NLRX1: variants seen among roughly 807,000 people sequenced by gnomAD.
The protein encoded by NLRX1 is NOD-like receptor X1.
A neutral mutation model predicts 74.2 loss-of-function variants in NLRX1; 67 were observed. The observed-to-expected ratio is 0.90, with a 90% CI of 0.74 to 1.11. The LOEUF (loss-of-function observed/expected upper bound fraction) is 1.11. Ranked by LOEUF, NLRX1 falls within the 50% of genes least tolerant of loss-of-function variation. The pLI is 0.00. For synonymous variants in NLRX1, 506 were observed against 559.1 expected, an observed-to-expected ratio of 0.91 and a Z score of 1.34; for missense variants, 1,191 against 1,305.4, an observed-to-expected ratio of 0.91 and a Z score of 1.35.
Position 119,173,400 on chromosome 11 carries a change from C to G in NLRX1, c.230-79C>G, listed in dbSNP as rs768184623. On this transcript the variant is annotated intron_variant, in intron 4 of 9. Coordinates refer to ENST00000409109, the MANE Select transcript of NLRX1 (RefSeq NM_001282144.2). The surrounding 1 kb of genome is among the most constrained non-coding windows in gnomAD (Gnocchi z 4.0). Reference sequence around the variant, plus strand: ...CTATGCCGTGATGTCCCAGCCTGACCTCACCACCGCCCTGATTGGCCCTAA... The same window carrying G: ...CTATGCCGTGATGTCCCAGCCTGACGTCACCACCGCCCTGATTGGCCCTAA... 3 of 1,485,434 alleles carry G rather than the reference C, an allele frequency of 2.0e-6. No homozygotes were observed. The highest frequency in any genetic ancestry group is 1.8e-5 in the Admixed American group (1 of 54,912). 92.0% of individuals were successfully genotyped at this position (1,485,434 alleles called of 1,614,324 possible).
rs746061860 is a variant in NLRX1, at chr11:119,174,909, G to A, written c.1306G>A (p.Gly436Arg). 1.2e-6 allele frequency: 2 copies of A among 1,614,050 alleles called. No individual in the cohort carries two copies. The highest frequency in any genetic ancestry group is 2.2e-5 in the East Asian group (1 of 44,886). Reference sequence around the variant, plus strand: ...AACCATGGGCAAGTTGGCCTATGAGGGGGTGTCCTCCCGCAAGACCTACTT... The same window carrying A: ...AACCATGGGCAAGTTGGCCTATGAGAGGGTGTCCTCCCGCAAGACCTACTT... ...ARTMGKLAYE[G>R]VSSRKTYFSE... The change falls in exon 6 of 10, where the codon GGG becomes AGG. Residue 436 changes from glycine (G) to arginine (R), a missense_variant. By Grantham distance (125) the Gly-to-Arg change is moderately radical. Transcript: ENST00000409109.
intron 5 of NLRX1, 50 bp downstream of exon 5, chr11:119,174,148 C>G: frequency 6.3e-7 from 1 of 1,587,172 alleles, no homozygotes; most frequent in Non-Finnish European, 8.6e-7. Context: ...TGACTCGCCC[C>G]CTAGGTCCTG....
chr11:119,172,313 T>A, intron 2 of NLRX1, 43 bp from the exon 3 acceptor site: 1 of 1,465,328 alleles, frequency 6.8e-7, no homozygotes, highest in African/African-American at 1.4e-5. Flanking sequence ...GTTCTGTGTA[T>A]TGCATGGGAT....
Position 119,179,900 on chromosome 11 carries a change from A to G in NLRX1, c.1879A>G (p.Met627Val). The change falls in exon 7 of 10, where the codon ATG becomes GTG. Residue 627 changes from methionine (M) to valine (V), a missense_variant. Transcript: ENST00000409109. The part of the protein sequence containing the change: ...DEVFELFPMF[M>V]GGLLSAHNRA... ...AGTCTTCGAGCTCTTCCCCATGTTC[A>G]TGGGGGGGCTTCTCTCTGCCCACAA... The G allele has an allele frequency of 1.2e-6, 2 of 1,611,766 alleles. No individual in the cohort carries two copies. The highest frequency in any genetic ancestry group is 1.7e-6 in the Non-Finnish European group (2 of 1,178,474).
chr11:119,182,096 T>C lies in NLRX1; in HGVS notation c.2357T>C (p.Leu786Pro). 6.2e-7 allele frequency: 1 copy of C among 1,614,080 alleles called. No homozygotes were observed. Among genetic ancestry groups the C allele is most frequent in the Non-Finnish European group, 8.5e-7 (1 of 1,179,962 alleles). The change falls in exon 9 of 10, where the codon CTG (leucine) becomes CCG (proline). Residue 786 changes from leucine to proline, a missense_variant and splice_region_variant. By Grantham distance (98) the Leu-to-Pro change is moderately conservative. Transcript: ENST00000409109. ...CCTTGGGTTGCACGTGGCTGTAGGCTGTCCAACAACCCGCTGACGGCGGCA... is the reference window on the plus strand; with the variant it reads ...CCTTGGGTTGCACGTGGCTGTAGGCCGTCCAACAACCCGCTGACGGCGGCA... ...HDQCQITTLR[L>P]SNNPLTAAGV...
intron 6 of NLRX1, among the ~76,000 whole-genome samples, chr11:119,177,580 A>T (rs1167019880): frequency 6.6e-6 from 1 of 150,704 alleles, no homozygotes; most frequent in Non-Finnish European, 1.5e-5. Flanking sequence ...GTGAGCTGAG[A>T]TCGCGCCACT....
At position 119,172,380 on chromosome 11, in the gene NLRX1, A is replaced by G; in HGVS notation, c.95A>G (p.His32Arg). 1.9e-6 allele frequency: 3 copies of G among 1,613,762 alleles called. No homozygotes were observed. Among genetic ancestry groups the G allele is most frequent in the Non-Finnish European group, 2.5e-6 (3 of 1,179,710 alleles). ...GATGATCGTATCCCCTTCCTGATCCACTGGAGTTGGCCCCTTCAAGGGGAG... is the reference window on the plus strand; with the variant it reads ...GATGATCGTATCCCCTTCCTGATCCGCTGGAGTTGGCCCCTTCAAGGGGAG... ...RPDDRIPFLI[H>R]WSWPLQGERP... Residue 32 changes from histidine to arginine, a missense_variant, in exon 3 of 10, where the codon CAC (histidine) becomes CGC (arginine). Physicochemically the swap from His to Arg is conservative, Grantham distance 29 (BLOSUM62 0). Coordinates refer to ENST00000409109, the MANE Select transcript of NLRX1 (RefSeq NM_001282144.2).
chr11:119,176,980 G>A (rs1948716936), intron 6 of NLRX1, among the ~76,000 whole-genome samples: 1 of 152,234 alleles, frequency 6.6e-6, no homozygotes, highest in Admixed American at 6.5e-5. Flanking sequence ...CCTTATCTGT[G>A]AAATGGAGAT....
intron 7 of NLRX1, 135 bp downstream of exon 7, chr11:119,180,423 G>A: frequency 1.4e-6 from 1 of 739,080 alleles, no homozygotes; most frequent in South Asian, 2.1e-5. Context: ...CTAGTTTAGG[G>A]GCCGGGAGCA....
intron 6 of NLRX1, among the ~76,000 whole-genome samples, chr11:119,178,449 A>G (rs1175942969): frequency 2.6e-5 from 4 of 152,222 alleles, no homozygotes; most frequent in Non-Finnish European, 4.4e-5. Context: ...CTCCTCTCCC[A>G]GAAGGAAACT....
At chr11:119,172,457 T>A in intron 3 of NLRX1, 32 bp downstream of exon 3, 2 of 1,509,168 alleles carry the variant, frequency 1.3e-6, no homozygotes. Context: ...TTAGGACTAG[T>A]CTGGGCACAA....
intron 5 of NLRX1, 125 bp from the exon 6 acceptor site, chr11:119,174,328 G>C: frequency 9.0e-7 from 1 of 1,110,934 alleles, no homozygotes; most frequent in South Asian, 1.5e-5. Context: ...GTAATTGCTA[G>C]TTATAACTGT....
At position 119,173,853 on chromosome 11, in the gene NLRX1, C is replaced by A. The variant is rs766478115; in HGVS notation, c.604C>A (p.Leu202Met). 1.9e-6 allele frequency: 3 copies of A among 1,613,474 alleles called. No individual in the cohort carries two copies. Among genetic ancestry groups the A allele is most frequent in the Non-Finnish European group, 2.5e-6 (3 of 1,180,036 alleles). Residue 202 changes from leucine to methionine, a missense_variant, in exon 5 of 10, where the codon CTG becomes ATG. Leu to Met is a conservative substitution (Grantham distance 15). Transcript: ENST00000409109. This position sits in a 1 kb window ranked among gnomAD's most constrained non-coding sequence, Gnocchi z 4.0. ...GCTCATCCCCTTCTCCTGTGAGGAC[C>A]TGTCATCCCTGGGCCCTGCCCCAGC... is the stretch of plus-strand genomic sequence containing the variant. ...ELLIPFSCED[L>M]SSLGPAPASL...
intron 7 of NLRX1, 99 bp from the exon 8 acceptor site, chr11:119,181,072 G>T: frequency 1.2e-6 from 1 of 838,106 alleles, no homozygotes. Context: ...TAGATTCCCA[G>T]AGGCAGGCTG....
chr11:119,174,373 G>A (rs967943708), intron 5 of NLRX1, 80 bp from the exon 6 acceptor site: 45 of 1,410,740 alleles, frequency 3.2e-5, no homozygotes, highest in Middle Eastern at 1.8e-4. Flanking sequence ...TGGACACTCC[G>A]TCTTCAGGGG....
At position 119,174,063 on chromosome 11, in the gene NLRX1, A is replaced by G. The variant is rs1443918719; in HGVS notation, c.814A>G (p.Ile272Val). ...PEEPQEPAAI[I>V]VNLLRKYMLP... The stretch of plus-strand genomic sequence containing the variant: ...GGAACCGCAGGAACCAGCTGCTATC[A>G]TCGTCAACCTGCTGCGCAAATACAT... Residue 272 changes from isoleucine to valine, a missense_variant, in exon 5 of 10, where the codon ATC (isoleucine) becomes GTC (valine). Transcript: ENST00000409109. 1.2e-6 allele frequency: 2 copies of G among 1,614,088 alleles called. No individual in the cohort carries two copies. Among genetic ancestry groups the G allele is most frequent in the East Asian group, 4.5e-5 (2 of 44,870 alleles).
In NLRX1 at chr11:119,180,104, C is replaced by T; in HGVS notation, c.2083C>T (p.Leu695Phe). Residue 695 changes from leucine to phenylalanine, a missense_variant, in exon 7 of 10, where the codon CTC becomes TTC. Transcript: ENST00000409109. ...FQNQRFSAEV[L>F]SSLRQLNLAG... Reference sequence around the variant, plus strand: ...GAACCAGCGCTTCTCCGCTGAGGTGCTCAGCTCCCTGCGTCAGCTCAACCT... The same window carrying T: ...GAACCAGCGCTTCTCCGCTGAGGTGTTCAGCTCCCTGCGTCAGCTCAACCT... 6.2e-7 allele frequency: 1 copy of T among 1,613,620 alleles called. No individual in the cohort carries two copies. Among genetic ancestry groups the T allele is most frequent in the Non-Finnish European group, 8.5e-7 (1 of 1,179,822 alleles).
rs1948794939 is a variant in NLRX1, at chr11:119,180,022, G to T, written c.2001G>T (p.Arg667=). 6.2e-7 allele frequency: 1 copy of T among 1,613,662 alleles called. No homozygotes were observed. Among genetic ancestry groups the T allele is most frequent in the East Asian group, 2.2e-5 (1 of 44,880 alleles). ...AIKKKLGKLG[R]QVLPPSELLD... is the part of the protein sequence containing the mutation. ...AGAAGAAGCTGGGCAAGCTGGGCCG[G>T]CAGGTGCTGCCCCCATCAGAGCTCC... The change falls in exon 7 of 10, where the codon CGG becomes CGT. Residue 667 remains arginine, a synonymous_variant. Transcript: ENST00000409109.
chr11:119,179,080 T>C (rs1230298432), intron 6 of NLRX1, among the ~76,000 whole-genome samples: 1 of 152,170 alleles, frequency 6.6e-6, no homozygotes, highest in African/African-American at 2.4e-5. Context: ...AGGCTTGTGA[T>C]GAAGGCATCG....
Sources: gnomAD v4.1 joint callset for allele counts (sites outside exome capture counted in the v4.1 genomes callset) on GRCh38, gnomAD v4.1.1 for gene constraint, Gnocchi (gnomAD v3.1) non-coding constraint, MANE v1.5 for transcripts, NCBI Gene and HGNC (gene_info 2026-07-23, HGNC 2026-07-21) for gene names.